Variants in ZMYM6 observed in about 807,000 individuals in gnomAD.
ZMYM6 encodes zinc finger MYM-type protein 6.
ZMYM6 carries 90 observed loss-of-function variants against 134.0 expected under a neutral mutation model. That is an observed-to-expected ratio of 0.67 (90% confidence interval 0.57 to 0.80). The LOEUF (loss-of-function observed/expected upper bound fraction) is 0.80, where lower values mean the gene tolerates loss of function less well. ZMYM6 is among the 30% of genes least tolerant of loss of function. ZMYM6 has a pLI of 0.00. For missense variants in ZMYM6, 1,362 were observed against 1,533.9 expected, an observed-to-expected ratio of 0.89 and a Z score of 1.87; for synonymous variants, 481 against 524.1, an observed-to-expected ratio of 0.92 and a Z score of 1.12.
intron 12 of ZMYM6, 134 bp downstream of exon 12, chr1:35,006,817 T>TA: frequency 2.1e-6 from 2 of 941,970 alleles, no homozygotes; most frequent in Non-Finnish European, 2.8e-6. Flanking sequence ...AAAGACTTCT[T>TA]AAAGAAAAAT....
At chr1:35,012,124 C>T (rs1641098515) in intron 7 of ZMYM6, 119 bp from the exon 8 acceptor site, 2 of 684,984 alleles carry the variant, frequency 2.9e-6, no homozygotes, top group East Asian at 2.9e-5. Context: ...AATCAAGGAA[C>T]TTTATAAAAA....
intron 11 of ZMYM6, among the ~76,000 whole-genome samples, chr1:35,007,592 G>GAA (rs200792300): frequency 1.5e-5 from 2 of 137,100 alleles, no homozygotes; most frequent in South Asian, 4.6e-4. Flanking sequence ...TGTCTCAATA[G>GAA]AAAAAAAAAA....
At chr1:35,008,321 A>G (rs1641021910) in intron 11 of ZMYM6, among the ~76,000 whole-genome samples, 1 of 152,214 alleles carries the variant, frequency 6.6e-6, no homozygotes, top group South Asian at 2.1e-4. Context: ...TGTAGCTACC[A>G]TTGTTAGCCT....
chr1:35,010,362 G>C, intron 10 of ZMYM6, 85 bp downstream of exon 10: 1 of 1,495,530 alleles, frequency 6.7e-7, no homozygotes, highest in Non-Finnish European at 9.0e-7. Flanking sequence ...CAAAAAGAAT[G>C]TGAAAACTAA....
chr1:34,987,673 A>G lies in ZMYM6; in HGVS notation c.3409T>C (p.Phe1137Leu). ...TCAATTTTATTACACAAATTGAAGA[A>G]AGTAGTCAAAGTTCCTTGGAGACTT... ...NLSLQGTLTT[F>L]FNLCNKIDVF... is the part of the protein sequence containing the mutation. Residue 1137 changes from phenylalanine (F) to leucine (L), a missense_variant, in exon 16 of 16, where the codon TTC becomes CTC. By Grantham distance (22) the Phe-to-Leu change is conservative. Transcript: ENST00000357182. 1 of 1,553,020 alleles carries G rather than the reference A, an allele frequency of 6.4e-7. No individual in the cohort carries two copies.
intron 14 of ZMYM6, among the ~76,000 whole-genome samples, chr1:35,002,242 C>T (rs1249567131): frequency 6.6e-6 from 1 of 152,226 alleles, no homozygotes; most frequent in East Asian, 1.9e-4. Flanking sequence ...ACCTTCTGTT[C>T]TACTTACACA....
intron 15 of ZMYM6, chr1:34,990,028 C>T (rs906626501): frequency 6.6e-6 from 1 of 152,056 alleles, no homozygotes; most frequent in Non-Finnish European, 1.5e-5. Flanking sequence ...GAAGAGTATA[C>T]TAGTATTGAC....
chr1:35,012,119 AG>A (rs1313128227), intron 7 of ZMYM6, 114 bp from the exon 8 acceptor site: 2 of 694,506 alleles, frequency 2.9e-6, no homozygotes, highest in Non-Finnish European at 4.4e-6. Context: ...AAAAAAATCA[AG>A]GAACTTTATA....
intron 12 of ZMYM6, among the ~76,000 whole-genome samples, 188 bp downstream of exon 12, chr1:35,006,763 G>A (rs1185448402): frequency 6.6e-6 from 1 of 152,120 alleles, no homozygotes; most frequent in Admixed American, 6.5e-5. Flanking sequence ...TTGACTATCA[G>A]AGCAAAAAGT....
At position 35,005,199 on chromosome 1, in the gene ZMYM6, G is replaced by A; in HGVS notation, c.1887C>T (p.Thr629=). 6.2e-7 allele frequency: 1 copy of A among 1,614,002 alleles called. No individual in the cohort carries two copies. The highest frequency in any genetic ancestry group is 2.2e-5 in the East Asian group (1 of 44,880). The change falls in exon 13 of 16, where the codon ACC becomes ACT. Residue 629 remains threonine, a synonymous_variant. Transcript: ENST00000357182. Reference sequence around the variant, plus strand: ...GTATTTTTGCCAATGACATCACACTGGTTATAACTGGTGTTGTATCTGTCC... The same window carrying A: ...GTATTTTTGCCAATGACATCACACTAGTTATAACTGGTGTTGTATCTGTCC... ...SARTDTTPVI[T]SVMSLAKIPA... is the part of the protein sequence containing the mutation.
chr1:35,028,271 G>A (rs145335560), intron 2 of ZMYM6, among the ~76,000 whole-genome samples: 2,939 of 148,494 alleles, frequency 0.02, 101 homozygotes, highest in African/African-American at 0.069. Context: ...AGCCAAGATC[G>A]CGCCACTGCA....
At chr1:34,990,678 T>C (rs892491102) in intron 15 of ZMYM6, among the ~76,000 whole-genome samples, 2 of 152,072 alleles carry the variant, frequency 1.3e-5, no homozygotes, top group Admixed American at 6.6e-5. Flanking sequence ...CTGAAATCTA[T>C]GTTAAGAATC....
At chr1:35,013,197 T>G (rs1641117751) in intron 6 of ZMYM6, 1 of 703,314 alleles carries the variant, frequency 1.4e-6, no homozygotes, top group African/African-American at 1.9e-5. Flanking sequence ...ATATATAGTG[T>G]ATCACAGAAA....
In ZMYM6 at chr1:35,010,853, A is replaced by T. The variant is rs765581944; in HGVS notation, c.1246T>A (p.Ser416Thr). Residue 416 changes from serine (S) to threonine (T), a missense_variant, in exon 9 of 16, where the codon TCC becomes ACC. Coordinates refer to ENST00000357182, the MANE Select transcript of ZMYM6 (RefSeq NM_007167.4). The stretch of plus-strand genomic sequence containing the variant: ...GTATGGGTTAAAGCAACTTGCTGGG[A>T]TTGTTCAGCAAGAGGTTGGAGGCTG... Reference protein sequence around the residue: ...AASLQPLAEQSQQVALTHTVV... With the variant: ...AASLQPLAEQTQQVALTHTVV... 1 of 1,613,838 alleles carries T rather than the reference A, an allele frequency of 6.2e-7. No individual in the cohort carries two copies. The highest frequency in any genetic ancestry group is 1.1e-5 in the South Asian group (1 of 91,038).
intron 14 of ZMYM6, among the ~76,000 whole-genome samples, chr1:34,999,603 G>C (rs1264489510): frequency 1.3e-5 from 2 of 151,934 alleles, no homozygotes; most frequent in Non-Finnish European, 2.9e-5. Flanking sequence ...CAAAAATAGG[G>C]AAAAATTAAA....
chr1:35,014,593 G>A, intron 6 of ZMYM6, 104 bp downstream of exon 6: 3 of 1,116,728 alleles, frequency 2.7e-6, no homozygotes, highest in Non-Finnish European at 3.8e-6. Flanking sequence ...TCACATATCA[G>A]GATGGACTAA....
rs1640606587 is a variant in ZMYM6 at position 34,988,211 on chromosome 1, T to C, written c.2871A>G (p.Ile957Met). ...CAATATATTTATTTATTAGTTCAAA[T>C]ATTTCAAAGCCAGTTATTTGAGTAG... ...EMPTQITGFE[I>M]FELINKYIDS... is the part of the protein sequence containing the mutation. The change falls in exon 16 of 16, where the codon ATA becomes ATG. Residue 957 changes from isoleucine to methionine, a missense_variant. By Grantham distance (10) the Ile-to-Met change is conservative. Coordinates refer to ENST00000357182, the MANE Select transcript of ZMYM6 (RefSeq NM_007167.4). The C allele has an allele frequency of 1.9e-6, 3 of 1,548,466 alleles. No individual in the cohort carries two copies. Among genetic ancestry groups the C allele is most frequent in the Non-Finnish European group, 1.7e-6 (2 of 1,145,754 alleles).
At position 35,028,286 on chromosome 1, in the gene ZMYM6, A is replaced by G. The variant is rs578111715; in HGVS notation, c.93+2261T>C. On this transcript the variant is annotated intron_variant, in intron 2 of 15. Coordinates refer to ENST00000357182, the MANE Select transcript of ZMYM6 (RefSeq NM_007167.4). ...AGCCAAGATCGCGCCACTGCACTCC[A>G]GCCTGGGAGTGACAGAGCAAGACTC... is the stretch of plus-strand genomic sequence containing the variant. Among the ~76,000 whole-genome samples, 466 of 150,418 alleles carry G rather than the reference A, an allele frequency of 3.1e-3. 3 individuals carry two copies. Among genetic ancestry groups the G allele is most frequent in the African/African-American group, 0.011 (434 of 40,896 alleles).
chr1:35,022,925 C>T (rs1286806045), intron 2 of ZMYM6, among the ~76,000 whole-genome samples: 2 of 151,982 alleles, frequency 1.3e-5, no homozygotes, highest in East Asian at 1.9e-4. Context: ...GATCTTGACT[C>T]CTAAACAAGC....
Sources: allele counts gnomAD v4.1 joint callset (sites outside exome capture counted in the v4.1 genomes callset), GRCh38; gene constraint gnomAD v4.1.1; transcripts MANE v1.5; gene names NCBI Gene and HGNC (gene_info 2026-07-23, HGNC 2026-07-21).